The following GALNT17 variants were observed in gnomAD, a reference collection of about 807,000 sequenced individuals.
GALNT17 encodes UDP-GalNAc:polypeptide N-acetylgalactosaminyltransferase-like 3.
GALNT17 carries 29 observed loss-of-function variants against 63.7 expected under a neutral mutation model. The ratio of observed to expected loss-of-function variants is 0.46; its 90% CI spans 0.34 to 0.62. GALNT17 has a LOEUF of 0.62. Among genes scored for constraint, GALNT17 ranks in the 20% least tolerant of loss-of-function variants. The pLI, the probability that GALNT17 is intolerant of heterozygous loss-of-function variation, is 0.01. For missense variants in GALNT17, 603 were observed against 799.6 expected, an observed-to-expected ratio of 0.75 and a Z score of 2.97; for synonymous variants, 305 against 318.3, an observed-to-expected ratio of 0.96 and a Z score of 0.45.
At chr7:71,512,446 C>T (rs1788376024) in intron 5 of GALNT17, among the ~76,000 whole-genome samples, 1 of 152,138 alleles carries the variant, frequency 6.6e-6, no homozygotes, top group Non-Finnish European at 1.5e-5. Context: ...TTAGGAAAGC[C>T]TAGCTGTCTC....
intron 5 of GALNT17, among the ~76,000 whole-genome samples, chr7:71,519,167 A>G (rs1788487408): frequency 6.6e-6 from 1 of 152,190 alleles, no homozygotes; most frequent in African/African-American, 2.4e-5. Context: ...TGGGCTCAGC[A>G]GTGTTCCAAG....
At chr7:71,154,074 T>A (rs2903460) in intron 1 of GALNT17, among the ~76,000 whole-genome samples, 1 of 152,022 alleles carries the variant, frequency 6.6e-6, no homozygotes. Context: ...GTGGAAATAA[T>A]GTTCCATGAC....
At chr7:71,468,850 T>TCATC (rs778627669) in intron 5 of GALNT17, among the ~76,000 whole-genome samples, 73 of 152,326 alleles carry the variant, frequency 4.8e-4, no homozygotes, top group Non-Finnish European at 9.0e-4. Flanking sequence ...ATTCATTCAT[T>TCATC]CATCTATTTG....
At chr7:71,551,767 AAAAAAAGAGAG>A (rs1789080225) in intron 5 of GALNT17, among the ~76,000 whole-genome samples, 1 of 102,924 alleles carries the variant, frequency 9.7e-6, no homozygotes, top group Non-Finnish European at 2.5e-5. Flanking sequence ...CAAAAAAAAA[AAAAAAAGAGAG>A]AGAGAGAGAG....
chr7:71,178,369 T>G (rs114359272), intron 1 of GALNT17, among the ~76,000 whole-genome samples: 3,401 of 152,206 alleles, frequency 0.022, 93 homozygotes, highest in African/African-American at 0.067. Context: ...TTCCTAGAGG[T>G]AGTTTTCTTT....
chr7:71,546,593 G>T (rs534979758), intron 5 of GALNT17, among the ~76,000 whole-genome samples: 3 of 152,222 alleles, frequency 2.0e-5, no homozygotes, highest in Non-Finnish European at 4.4e-5. Flanking sequence ...ATTCAGGTTT[G>T]CATTTTCATA....
chr7:71,255,694 T>C (rs768375178), intron 1 of GALNT17, among the ~76,000 whole-genome samples: 1 of 152,104 alleles, frequency 6.6e-6, no homozygotes, highest in Non-Finnish European at 1.5e-5. Flanking sequence ...GGAAAGTAGC[T>C]CTTAAATGGA....
intron 5 of GALNT17, among the ~76,000 whole-genome samples, chr7:71,500,279 A>T (rs1788160016): frequency 6.6e-6 from 1 of 152,140 alleles, no homozygotes; most frequent in Non-Finnish European, 1.5e-5. Flanking sequence ...GTCCTCCCAT[A>T]GTGTTTAGCG....
At chr7:71,182,004 C>T (rs559115889) in intron 1 of GALNT17, among the ~76,000 whole-genome samples, 26 of 152,184 alleles carry the variant, frequency 1.7e-4, no homozygotes, top group African/African-American at 3.9e-4. Flanking sequence ...GGAGAAACTC[C>T]GTCTCTACTA....
At chr7:71,370,166 T>G (rs2707448) in intron 2 of GALNT17, among the ~76,000 whole-genome samples, 6,708 of 152,272 alleles carry the variant, frequency 0.044, 522 homozygotes, top group African/African-American at 0.15. Flanking sequence ...TTCTATAACC[T>G]TAAGAAATTG....
chr7:71,420,884 C>T (rs1164222850), intron 4 of GALNT17, 24 bp from the exon 5 acceptor site: 1 of 1,574,874 alleles, frequency 6.3e-7, no homozygotes, highest in Non-Finnish European at 8.6e-7. Context: ...AGAGAGGTTT[C>T]ATGTCTATTT....
chr7:71,638,607 C>T lies in GALNT17; in HGVS notation c.1081-26804C>T, dbSNP rs74704300. Among the ~76,000 whole-genome samples, 1,179 of 152,184 alleles carry T rather than the reference C, an allele frequency of 7.7e-3. 17 individuals carry two copies. The highest frequency in any genetic ancestry group is 0.027 in the African/African-American group (1,128 of 41,518). On this transcript the variant is annotated intron_variant, in intron 6 of 10. Coordinates refer to ENST00000333538, the MANE Select transcript of GALNT17 (RefSeq NM_022479.3). ...GGGTAGTCCTTGAGGTTAGAATGGA[C>T]GGAGAAGCATGCAGTGAAGTCTAAT...
At chr7:71,692,577 T>C (rs977487912) in intron 9 of GALNT17, among the ~76,000 whole-genome samples, 2 of 152,038 alleles carry the variant, frequency 1.3e-5, no homozygotes, top group Non-Finnish European at 2.9e-5. Context: ...TGATTTCTCC[T>C]TGGGACAGTA....
Position 71,621,533 on chromosome 7 carries a change from GGATTGATGGATTGATGGATA to G in GALNT17, c.1081-43874_1081-43855del, listed in dbSNP as rs1469725459. 9.6e-4 allele frequency among the ~76,000 whole-genome samples: 68 copies of G among 70,560 alleles called. 1 individual carries two copies. The highest frequency in any genetic ancestry group is 2.1e-3 in the East Asian group (6 of 2,874). The allele number at this position is 70,560 out of a possible 152,430, so 46.3% of individuals were successfully genotyped here. ...TGGATGGATGGATGGATGGATGGAT[GGATTGATGGATTGATGGATA>G]GATGGATGGATGGATGGATGGATGG... On this transcript the variant is annotated intron_variant, in intron 6 of 10. Coordinates refer to ENST00000333538, the MANE Select transcript of GALNT17 (RefSeq NM_022479.3).
intron 6 of GALNT17, among the ~76,000 whole-genome samples, chr7:71,623,050 C>T (rs1790319706): frequency 6.6e-6 from 1 of 152,216 alleles, no homozygotes; most frequent in South Asian, 2.1e-4. Flanking sequence ...TCACCTGCCA[C>T]TTGCCATCTC....
At chr7:71,398,458 G>T (rs1439524701) in intron 3 of GALNT17, among the ~76,000 whole-genome samples, 1 of 151,528 alleles carries the variant, frequency 6.6e-6, no homozygotes, top group Non-Finnish European at 1.5e-5. Flanking sequence ...ATAACATATT[G>T]TCCTTTTTTA....
At chr7:71,351,929 A>C (rs1394052054) in intron 2 of GALNT17, among the ~76,000 whole-genome samples, 1 of 152,158 alleles carries the variant, frequency 6.6e-6, no homozygotes, top group Non-Finnish European at 1.5e-5. Context: ...TGCAGAGTGC[A>C]GAAGAGATGT....
chr7:71,400,227 C>T (rs987916593), intron 3 of GALNT17, among the ~76,000 whole-genome samples: 4 of 152,014 alleles, frequency 2.6e-5, no homozygotes, highest in African/African-American at 9.7e-5. Flanking sequence ...TTCAACTCTC[C>T]CTTATGAGTG....
intron 6 of GALNT17, among the ~76,000 whole-genome samples, chr7:71,629,762 G>T (rs1790428670): frequency 6.6e-6 from 1 of 152,192 alleles, no homozygotes; most frequent in African/African-American, 2.4e-5. Context: ...GGGACAGCAG[G>T]CACAAGCCAC....
Sources: allele counts gnomAD v4.1 joint callset (sites outside exome capture counted in the v4.1 genomes callset), GRCh38; gene constraint gnomAD v4.1.1; transcripts MANE v1.5; gene names NCBI Gene and HGNC (gene_info 2026-07-23, HGNC 2026-07-21).